GPC6: variants seen among roughly 807,000 people sequenced by gnomAD.
GPC6 encodes the protein glypican 6.
Under a neutral mutation model 55.2 loss-of-function variants are expected in GPC6, and 14 were observed. That is an observed-to-expected ratio of 0.25 (90% confidence interval 0.17 to 0.40). The LOEUF is 0.40. Ranked by LOEUF, GPC6 falls within the 10% of genes least tolerant of loss-of-function variation. GPC6 has a pLI of 1.00. For missense variants in GPC6, 641 were observed against 708.5 expected (o/e 0.90, Z 1.08); for synonymous variants, 278 against 259.6 (o/e 1.07, Z -0.68).
intron 1 of GPC6, among the ~76,000 whole-genome samples, chr13:93,245,945 G>A (rs1876589391): frequency 6.6e-6 from 1 of 152,138 alleles, no homozygotes; most frequent in Non-Finnish European, 1.5e-5. Context: ...TGCTTTAAAT[G>A]GGAAATGGGC....
Position 93,523,281 on chromosome 13 carries a change from A to ATG in GPC6, c.161-21974_161-21973dup, listed in dbSNP as rs565259085. On this transcript the variant is annotated intron_variant, in intron 1 of 8. Coordinates refer to ENST00000377047, the MANE Select transcript of GPC6 (RefSeq NM_005708.5). ...TGGATAATATTGTGTATATTTATATATGTGTGTGTAAATAACATATAAGGG... is the reference window on the plus strand; with the variant it reads ...TGGATAATATTGTGTATATTTATATATGTGTGTGTGTAAATAACATATAAGGG... Among the ~76,000 whole-genome samples, 9 of 150,010 alleles carry ATG rather than the reference A, an allele frequency of 6.0e-5. No individual in the cohort carries two copies. The East Asian group carries it at 1.8e-3, about 29-fold the overall frequency.
At chr13:94,219,346 T>C (rs1192094986) in intron 4 of GPC6, among the ~76,000 whole-genome samples, 1 of 152,152 alleles carries the variant, frequency 6.6e-6, no homozygotes, top group African/African-American at 2.4e-5. Flanking sequence ...AGGTACTCAG[T>C]GCTAGTACCC....
At chr13:93,931,534 C>G (rs184928941) in intron 3 of GPC6, among the ~76,000 whole-genome samples, 1 of 151,606 alleles carries the variant, frequency 6.6e-6, no homozygotes, top group Non-Finnish European at 1.5e-5. Flanking sequence ...GAGGCCAAGG[C>G]GGGTGTATCA....
chr13:94,135,708 G>A (rs999233156), intron 4 of GPC6, among the ~76,000 whole-genome samples: 4 of 152,162 alleles, frequency 2.6e-5, no homozygotes, highest in African/African-American at 7.2e-5. Flanking sequence ...GGAATTTATC[G>A]AATCACTACT....
At chr13:93,903,256 T>G (rs1442730141) in intron 3 of GPC6, among the ~76,000 whole-genome samples, 2 of 152,194 alleles carry the variant, frequency 1.3e-5, no homozygotes, top group East Asian at 3.9e-4. Flanking sequence ...GCCCTTTGAC[T>G]GTTCTTTTTC....
intron 4 of GPC6, among the ~76,000 whole-genome samples, chr13:94,134,070 C>G (rs75853079): frequency 0.037 from 5,647 of 152,196 alleles, 142 homozygotes; most frequent in Non-Finnish European, 0.057. Flanking sequence ...CTCAACACAC[C>G]CTACAATGAG....
intron 2 of GPC6, among the ~76,000 whole-genome samples, chr13:93,550,227 A>T (rs1328203147): frequency 6.6e-6 from 1 of 152,156 alleles, no homozygotes; most frequent in African/African-American, 2.4e-5. Context: ...ATCCTCCAAG[A>T]ATGTCTGTGG....
intron 2 of GPC6, among the ~76,000 whole-genome samples, chr13:93,626,793 C>A (rs1229230819): frequency 6.9e-6 from 1 of 144,866 alleles, no homozygotes; most frequent in Non-Finnish European, 1.5e-5. Context: ...CAGAGTGAGA[C>A]TGCATCTCAA....
intron 4 of GPC6, among the ~76,000 whole-genome samples, chr13:94,097,589 G>T (rs1055087111): frequency 1.3e-5 from 2 of 151,348 alleles, no homozygotes; most frequent in Non-Finnish European, 2.9e-5. Context: ...AAGTTCTGGA[G>T]ATCTGTCTCA....
intron 1 of GPC6, among the ~76,000 whole-genome samples, chr13:93,291,738 T>A (rs557737013): frequency 6.6e-6 from 1 of 152,112 alleles, no homozygotes; most frequent in East Asian, 1.9e-4. Flanking sequence ...CATTTTCTGG[T>A]CAAGTTAAAA....
At chr13:93,340,026 C>CTTTTTTTTTT (rs10714044) in intron 1 of GPC6, among the ~76,000 whole-genome samples, 2 of 81,618 alleles carry the variant, frequency 2.5e-5, no homozygotes, top group African/African-American at 5.0e-5. Context: ...AGTTTTCTTT[C>CTTTTTTTTTT]TTTTTTTTTT....
intron 2 of GPC6, among the ~76,000 whole-genome samples, chr13:93,735,738 A>G (rs1161669744): frequency 6.6e-6 from 1 of 152,144 alleles, no homozygotes. Context: ...AGGCTGCCTG[A>G]CGCATTCTAG....
At chr13:94,057,308 T>C (rs1422905417) in intron 4 of GPC6, among the ~76,000 whole-genome samples, 5 of 152,202 alleles carry the variant, frequency 3.3e-5, no homozygotes, top group African/African-American at 9.6e-5. Flanking sequence ...TTAAAATCAC[T>C]TTTTCAAATT....
intron 2 of GPC6, among the ~76,000 whole-genome samples, chr13:93,655,107 C>T (rs1594346081): frequency 1.3e-5 from 2 of 151,022 alleles, no homozygotes; most frequent in Admixed American, 6.6e-5. Context: ...CCTCGGCCTC[C>T]TAAAGTGCTG....
At chr13:93,571,542 A>G (rs761920668) in intron 2 of GPC6, among the ~76,000 whole-genome samples, 1 of 152,166 alleles carries the variant, frequency 6.6e-6, no homozygotes, top group Non-Finnish European at 1.5e-5. Context: ...TCAAGATGTG[A>G]TATTGTAGTT....
At chr13:94,160,950 T>C (rs1466837189) in intron 4 of GPC6, among the ~76,000 whole-genome samples, 1 of 152,192 alleles carries the variant, frequency 6.6e-6, no homozygotes, top group Non-Finnish European at 1.5e-5. Flanking sequence ...AGAACAGTAC[T>C]GTGATAAATC....
intron 1 of GPC6, among the ~76,000 whole-genome samples, chr13:93,485,084 CT>C (rs140947053): frequency 8.5e-5 from 13 of 152,300 alleles, no homozygotes; most frequent in Non-Finnish European, 1.3e-4. Flanking sequence ...TTAGCCCCCC[CT>C]GGAGATGTTC....
intron 4 of GPC6, among the ~76,000 whole-genome samples, chr13:94,088,473 G>A (rs996924897): frequency 6.6e-6 from 1 of 150,924 alleles, no homozygotes; most frequent in South Asian, 2.1e-4. Context: ...AGGATCACTT[G>A]AGGCCAAGAG....
intron 2 of GPC6, among the ~76,000 whole-genome samples, chr13:93,687,852 G>A (rs1882107594): frequency 6.6e-6 from 1 of 151,510 alleles, no homozygotes; most frequent in African/African-American, 2.4e-5. Flanking sequence ...CGTATATTAA[G>A]GTACCTTAAT....
Sources: allele counts gnomAD v4.1 joint callset (sites outside exome capture counted in the v4.1 genomes callset), GRCh38; gene constraint gnomAD v4.1.1; transcripts MANE v1.5; gene names NCBI Gene and HGNC (gene_info 2026-07-23, HGNC 2026-07-21).